The following CRKL variants were observed in gnomAD, a reference collection of about 807,000 sequenced individuals.
CRKL encodes the protein crk-like protein.
A neutral mutation model predicts 23.0 loss-of-function variants in CRKL; 3 were observed. The ratio of observed to expected loss-of-function variants is 0.13; its 90% CI spans 0.06 to 0.34. CRKL has a LOEUF of 0.34. Ranked by LOEUF, CRKL falls within the 10% of genes least tolerant of loss-of-function variation. The pLI, the probability that CRKL is intolerant of heterozygous loss-of-function variation, is 1.00. For missense variants in CRKL, 256 were observed against 394.5 expected (o/e 0.65, Z 2.97); for synonymous variants, 188 against 160.7 (o/e 1.17, Z -1.28).
intron 1 of CRKL, among the ~76,000 whole-genome samples, chr22:20,928,113 C>T (rs932163792): frequency 4.6e-5 from 7 of 151,982 alleles, no homozygotes; most frequent in African/African-American, 1.7e-4. Flanking sequence ...GCTGAGATCA[C>T]ACCACTACAC....
chr22:20,939,850 G>C (rs1243032073), intron 2 of CRKL, among the ~76,000 whole-genome samples: 1 of 148,762 alleles, frequency 6.7e-6, no homozygotes, highest in Non-Finnish European at 1.5e-5. Flanking sequence ...GTGCAATGGC[G>C]TGATCTCGGC....
intron 2 of CRKL, among the ~76,000 whole-genome samples, chr22:20,937,103 C>T (rs1403383093): frequency 6.6e-6 from 1 of 152,046 alleles, no homozygotes; most frequent in Non-Finnish European, 1.5e-5. Context: ...CTGCCCGCCT[C>T]AGCCTCCCAA....
chr22:20,923,626 G>A (rs977015626), intron 1 of CRKL, among the ~76,000 whole-genome samples: 2 of 142,650 alleles, frequency 1.4e-5, no homozygotes, highest in Non-Finnish European at 3.0e-5. Context: ...CCAGGCTGGA[G>A]TGTGGTGGTG....
At position 20,931,466 on chromosome 22, in the gene CRKL, G is replaced by A. The variant is rs148281140; in HGVS notation, c.312-2313G>A. ...CTTGAAGGGGTATGTGTGTGTTCAT[G>A]TCGGTACATTGGATGCTTGGTGCTG... is the stretch of plus-strand genomic sequence containing the variant. On this transcript the variant is annotated intron_variant, in intron 1 of 2. Coordinates refer to ENST00000354336, the MANE Select transcript of CRKL (RefSeq NM_005207.4). Among the ~76,000 whole-genome samples, 195 of 152,290 alleles carry A rather than the reference G, an allele frequency of 1.3e-3. 1 individual carries two copies. The highest frequency in any genetic ancestry group is 2.9e-3 in the Admixed American group (44 of 15,288).
At chr22:20,925,929 A>G (rs1323611191) in intron 1 of CRKL, among the ~76,000 whole-genome samples, 3 of 152,168 alleles carry the variant, frequency 2.0e-5, no homozygotes, top group African/African-American at 7.2e-5. Context: ...GAAGTAAACC[A>G]TGTTTTTGTT....
chr22:20,924,276 AAAGGGT>A lies in CRKL; in HGVS notation c.311+6032_311+6037del, dbSNP rs1393410153. Among the ~76,000 whole-genome samples, 7 of 152,304 alleles carry A rather than the reference AAAGGGT, an allele frequency of 4.6e-5. No homozygotes were observed. The East Asian group carries it at 1.3e-3, about 29-fold the overall frequency. On this transcript the variant is annotated intron_variant, in intron 1 of 2. Coordinates refer to ENST00000354336, the MANE Select transcript of CRKL (RefSeq NM_005207.4). ...GTGAAACAGCTGTGGGAGAACTGAG[AAAGGGT>A]GCTTAGTCTAACCTGAGAGCCCAGA...
chr22:20,927,741 G>A (rs1230745088), intron 1 of CRKL, among the ~76,000 whole-genome samples: 1 of 147,844 alleles, frequency 6.8e-6, no homozygotes, highest in Non-Finnish European at 1.5e-5. Flanking sequence ...TACTTGGGAC[G>A]CTGAGGCAGG....
At chr22:20,920,498 CAAA>C (rs370186040) in intron 1 of CRKL, among the ~76,000 whole-genome samples, 1 of 133,626 alleles carries the variant, frequency 7.5e-6, no homozygotes, top group African/African-American at 2.8e-5. Flanking sequence ...GACTCTGTCT[CAAA>C]AAAAAAAAAG....
chr22:20,937,173 C>T (rs929763824), intron 2 of CRKL, among the ~76,000 whole-genome samples: 1 of 152,190 alleles, frequency 6.6e-6, no homozygotes, highest in African/African-American at 2.4e-5. Flanking sequence ...CTTTCTCACC[C>T]ACACACAGAC....
chr22:20,945,098 A>G (rs919118053), intron 2 of CRKL, among the ~76,000 whole-genome samples: 1 of 151,710 alleles, frequency 6.6e-6, no homozygotes, highest in African/African-American at 2.4e-5. Flanking sequence ...GGTGCACGCC[A>G]TTCTCCTGAC....
chr22:20,926,713 G>T (rs1921216213), intron 1 of CRKL, among the ~76,000 whole-genome samples: 2 of 152,092 alleles, frequency 1.3e-5, no homozygotes, highest in Non-Finnish European at 2.9e-5. Flanking sequence ...GCTGCGGAAG[G>T]AGAGGCAGCC....
chr22:20,937,943 C>T (rs757384998), intron 2 of CRKL, among the ~76,000 whole-genome samples: 5 of 151,956 alleles, frequency 3.3e-5, no homozygotes, highest in Admixed American at 6.6e-5. Context: ...GATCTCCGCT[C>T]GCTGCAACCT....
chr22:20,937,120 C>T (rs979844965), intron 2 of CRKL, among the ~76,000 whole-genome samples: 6 of 151,642 alleles, frequency 4.0e-5, no homozygotes, highest in Non-Finnish European at 7.4e-5. Flanking sequence ...CCAAAGTGCT[C>T]GGATTACAGG....
In CRKL at chr22:20,953,678, A is replaced by T. The variant is rs1922360612; in HGVS notation, c.*3833A>T. 1 of 196,290 alleles carries T rather than the reference A, an allele frequency of 5.1e-6. No individual in the cohort carries two copies. Among genetic ancestry groups the T allele is most frequent in the South Asian group, 1.9e-4 (1 of 5,202 alleles). 12.2% of individuals were successfully genotyped at this position (196,290 alleles called of 1,614,324 possible). ...GTTTTACGTTACTGGTCCCAGCATC[A>T]AAACCCTTGTTTCCATGGCCTGTTT... On this transcript the variant is annotated 3_prime_UTR_variant, in exon 3 of 3. Transcript: ENST00000354336.
chr22:20,951,656 CT>C lies in CRKL; in HGVS notation c.*1812del. 4.4e-6 allele frequency: 1 copy of C among 225,358 alleles called. No individual in the cohort carries two copies. The allele number at this position is 225,358 out of a possible 1,614,324, so 14.0% of individuals were successfully genotyped here. A position where few individuals can be genotyped will look rare whatever the true frequency, so the allele number is the denominator to read the frequency against. On this transcript the variant is annotated 3_prime_UTR_variant, in exon 3 of 3. Transcript: ENST00000354336. ...TCATCTGCTGTGACTGTGGCCCTGTCTGGAGGTTCCTAGGTTTTGAGATTTA... is the reference window on the plus strand; with the variant it reads ...TCATCTGCTGTGACTGTGGCCCTGTCGGAGGTTCCTAGGTTTTGAGATTTA...
Position 20,941,588 on chromosome 22 carries a change from A to ATATTTTTTTT in CRKL, c.777+7345_777+7346insATTTTTTTTT, listed in dbSNP as rs1247116681. Among the ~76,000 whole-genome samples, 59 of 33,540 alleles carry ATATTTTTTTT rather than the reference A, an allele frequency of 1.8e-3. 12 individuals are homozygous for ATATTTTTTTT. The highest frequency in any genetic ancestry group is 2.5e-3 in the Non-Finnish European group (50 of 19,820). 22.0% of individuals were successfully genotyped at this position (33,540 alleles called of 152,430 possible). ...TGTGTGTGTGTGTGTGTATATATAT[A>ATATTTTTTTT]TTTTTTTTTTTTTTTTTTTTTTTTG... On this transcript the variant is annotated intron_variant, in intron 2 of 2. Coordinates refer to ENST00000354336, the MANE Select transcript of CRKL (RefSeq NM_005207.4).
chr22:20,919,034 C>A (rs892979922), intron 1 of CRKL, among the ~76,000 whole-genome samples: 1 of 148,424 alleles, frequency 6.7e-6, no homozygotes, highest in Non-Finnish European at 1.5e-5. Flanking sequence ...CTTGTACTCC[C>A]TCCAGATCTC....
intron 2 of CRKL, among the ~76,000 whole-genome samples, chr22:20,934,473 C>T (rs1239781774): frequency 1.3e-5 from 2 of 152,134 alleles, no homozygotes; most frequent in Non-Finnish European, 2.9e-5. Flanking sequence ...TGGCCTCAAG[C>T]AATCCTCCTA....
chr22:20,944,160 T>TTA (rs1555921064), intron 2 of CRKL, among the ~76,000 whole-genome samples: 3 of 146,800 alleles, frequency 2.0e-5, no homozygotes, highest in Non-Finnish European at 3.0e-5. Context: ...TTTTTTTTTT[T>TTA]AATTTCTTTT....
Sources: allele counts gnomAD v4.1 joint callset (sites outside exome capture counted in the v4.1 genomes callset), GRCh38; gene constraint gnomAD v4.1.1; transcripts MANE v1.5; gene names NCBI Gene and HGNC (gene_info 2026-07-23, HGNC 2026-07-21).